The following THSD7A variants were observed in gnomAD, a reference collection of about 807,000 sequenced individuals.
THSD7A encodes the protein thrombospondin type 1 domain containing 7A.
Under a neutral mutation model 231.3 loss-of-function variants are expected in THSD7A, and 96 were observed. The ratio of observed to expected loss-of-function variants is 0.41; its 90% confidence interval spans 0.35 to 0.49. The LOEUF is 0.49. Ranked by LOEUF, THSD7A falls within the 20% of genes least tolerant of loss-of-function variation. The probability of loss-of-function intolerance (pLI) is 0.05; values close to 1 mark genes in which losing one functional copy is unlikely to be tolerated. For missense variants in THSD7A, 2,290 were observed against 2,070.2 expected, an observed-to-expected ratio of 1.11 and a Z score of -2.06; for synonymous variants, 940 against 743.3, an observed-to-expected ratio of 1.26 and a Z score of -4.30.
intron 4 of THSD7A, among the ~76,000 whole-genome samples, chr7:11,557,874 G>A (rs966172484): frequency 2.0e-5 from 3 of 152,106 alleles, no homozygotes; most frequent in South Asian, 4.1e-4. Context: ...AGTGTTGAGC[G>A]ACTCATTACA....
chr7:11,641,888 T>C (rs1235820023), intron 1 of THSD7A, among the ~76,000 whole-genome samples: 2 of 152,078 alleles, frequency 1.3e-5, no homozygotes, highest in African/African-American at 4.8e-5. Context: ...AAAGATCAGA[T>C]CTTCCCCACA....
At chr7:11,465,181 C>T (rs989266740) in intron 9 of THSD7A, among the ~76,000 whole-genome samples, 3 of 152,126 alleles carry the variant, frequency 2.0e-5, no homozygotes, top group African/African-American at 4.8e-5. Flanking sequence ...CGCACAAACA[C>T]ATTTATTTCA....
rs902597590 is a variant in THSD7A at position 11,701,181 on chromosome 7, T to C, written c.191-64220A>G. On this transcript the variant is annotated intron_variant, in intron 1 of 27. Coordinates refer to ENST00000423059, the MANE Select transcript of THSD7A (RefSeq NM_015204.3). ...TATTCAAACAAGTAAAAAACACAAGTGTGTGTGTGTGTGTTTTATGAGGGA... is the reference window on the plus strand; with the variant it reads ...TATTCAAACAAGTAAAAAACACAAGCGTGTGTGTGTGTGTTTTATGAGGGA... Among the ~76,000 whole-genome samples, 31 of 150,712 alleles carry C rather than the reference T, an allele frequency of 2.1e-4. 1 individual carries two copies. In the Middle Eastern group the frequency reaches 0.021, roughly 100 times the overall value.
At chr7:11,530,438 A>C (rs1241367953) in intron 6 of THSD7A, among the ~76,000 whole-genome samples, 1 of 152,210 alleles carries the variant, frequency 6.6e-6, no homozygotes, top group East Asian at 1.9e-4. Flanking sequence ...GTTATGGTTC[A>C]GAGATTTATT....
At position 11,636,419 on chromosome 7, in the gene THSD7A, G is replaced by A; in HGVS notation, c.733C>T (p.Pro245Ser). 4 of 1,613,672 alleles carry A rather than the reference G, an allele frequency of 2.5e-6. No homozygotes were observed. The Admixed American group carries it at 5.0e-5, about 20-fold the overall frequency. The part of the protein sequence containing the change: ...LTEFQVCQSS[P>S]CEAEELRYSL... ...TACCTGAGCTCCTCGGCCTCGCATG[G>A]ACTGGATTGGCACACCTGGAACTCC... Residue 245 changes from proline (P) to serine (S), a missense_variant, in exon 2 of 28, where the codon CCA becomes TCA. Pro to Ser is a moderately conservative substitution (Grantham distance 74). Coordinates refer to ENST00000423059, the MANE Select transcript of THSD7A (RefSeq NM_015204.3). This position sits in a 1 kb window ranked among gnomAD's most constrained non-coding sequence, Gnocchi z 10.0.
At chr7:11,467,134 C>T (rs569107059) in intron 9 of THSD7A, among the ~76,000 whole-genome samples, 1 of 152,058 alleles carries the variant, frequency 6.6e-6, no homozygotes. Flanking sequence ...GTGGGCTGGT[C>T]GTTCCAAAAT....
rs755374456 is a variant in THSD7A at position 11,831,842 on chromosome 7, GAGCAGCGGCAGCGGCAGC to G, written c.87_104del (p.Pro31_Leu36del). 2.1e-4 allele frequency: 286 copies of G among 1,350,100 alleles called. No homozygotes were observed. In the African/African-American group the frequency reaches 3.7e-3, roughly 18 times the overall value. 83.6% of individuals were successfully genotyped at this position (1,350,100 alleles called of 1,614,324 possible). ...CGCCCGGGCGTAGCAGCAGCAGCAGGAGCAGCGGCAGCGGCAGCGGCAGCGGCAGCAGCTGCAGGACGC... is the reference window on the plus strand; with the variant it reads ...CGCCCGGGCGTAGCAGCAGCAGCAGGGGCAGCGGCAGCAGCTGCAGGACGC... On this transcript the variant is annotated inframe_deletion, in exon 1 of 28. Transcript: ENST00000423059. The surrounding 1 kb of genome is among the most constrained non-coding windows in gnomAD (Gnocchi z 5.0).
chr7:11,445,309 T>A (rs538603741), intron 13 of THSD7A, among the ~76,000 whole-genome samples: 1 of 152,178 alleles, frequency 6.6e-6, no homozygotes, highest in South Asian at 2.1e-4. Context: ...AAGACAGATG[T>A]ATTAAAATAA....
chr7:11,690,807 T>A (rs946367602), intron 1 of THSD7A, among the ~76,000 whole-genome samples: 3 of 151,742 alleles, frequency 2.0e-5, no homozygotes, highest in Non-Finnish European at 4.4e-5. Context: ...TATGATTGTG[T>A]TCAAGTGGTA....
intron 1 of THSD7A, among the ~76,000 whole-genome samples, chr7:11,796,850 T>C (rs1471213518): frequency 3.3e-5 from 5 of 152,120 alleles, no homozygotes; most frequent in Non-Finnish European, 7.4e-5. Flanking sequence ...CTATCCTATG[T>C]TAGGTCTTGT....
rs565862751 is a variant in THSD7A at position 11,473,539 on chromosome 7, G to C, written c.2252+795C>G. ...ATATCTTACATGGCTAAGGTGATTT[G>C]AATTTTTAAAAAGTATGTTAAGTTT... On this transcript the variant is annotated intron_variant, in intron 8 of 27. Coordinates refer to ENST00000423059, the MANE Select transcript of THSD7A (RefSeq NM_015204.3). Among the ~76,000 whole-genome samples, 9 of 152,142 alleles carry C rather than the reference G, an allele frequency of 5.9e-5. No homozygotes were observed. The East Asian group carries it at 1.7e-3, about 29-fold the overall frequency.
Position 11,637,825 on chromosome 7 carries a change from A to T in THSD7A, c.191-864T>A, listed in dbSNP as rs2526101. ...CCTTCTTAGAATAAACTTTATATTC[A>T]CATATATTATTTTTTTCTAAGGTAG... On this transcript the variant is annotated intron_variant, in intron 1 of 27. Transcript: ENST00000423059. The surrounding 1 kb of genome is among the most constrained non-coding windows in gnomAD (Gnocchi z 4.2). Among the ~76,000 whole-genome samples the T allele has an allele frequency of 6.6e-6, 1 of 151,904 alleles. No homozygotes were observed. The highest frequency in any genetic ancestry group is 2.1e-4 in the South Asian group (1 of 4,818).
intron 6 of THSD7A, among the ~76,000 whole-genome samples, chr7:11,506,269 G>A (rs779451252): frequency 1.3e-5 from 2 of 152,160 alleles, no homozygotes; most frequent in African/African-American, 4.8e-5. Flanking sequence ...GGGATTTCAG[G>A]AGTGAGCCGC....
intron 2 of THSD7A, among the ~76,000 whole-genome samples, chr7:11,602,093 C>T (rs1490542073): frequency 6.6e-6 from 1 of 152,128 alleles, no homozygotes; most frequent in Non-Finnish European, 1.5e-5. Flanking sequence ...AGGATTTGTA[C>T]TATCTATGCA....
intron 1 of THSD7A, among the ~76,000 whole-genome samples, chr7:11,746,637 T>C (rs1229632798): frequency 6.6e-6 from 1 of 151,866 alleles, no homozygotes; most frequent in Non-Finnish European, 1.5e-5. Flanking sequence ...GATGGAGTGG[T>C]CTTCTCATCA....
At chr7:11,523,729 A>T (rs981027394) in intron 6 of THSD7A, among the ~76,000 whole-genome samples, 3 of 152,152 alleles carry the variant, frequency 2.0e-5, no homozygotes, top group Non-Finnish European at 2.9e-5. Flanking sequence ...GATTAAAAAA[A>T]CCAGAATATA....
chr7:11,807,452 C>A (rs1784427601), intron 1 of THSD7A, among the ~76,000 whole-genome samples: 1 of 151,896 alleles, frequency 6.6e-6, no homozygotes, highest in South Asian at 2.1e-4. Flanking sequence ...TCAAGTAAAA[C>A]CCTGCTTTCT....
At chr7:11,558,704 GA>G in intron 4 of THSD7A, among the ~76,000 whole-genome samples, 1 of 152,240 alleles carries the variant, frequency 6.6e-6, no homozygotes, top group South Asian at 2.1e-4. Context: ...AGTGGTCAGA[GA>G]AAATATCAAA....
chr7:11,781,532 T>A (rs1783632336), intron 1 of THSD7A, among the ~76,000 whole-genome samples: 2 of 152,110 alleles, frequency 1.3e-5, no homozygotes, highest in Admixed American at 1.3e-4. Context: ...GATGTAAAAA[T>A]CCTATTTAAT....
Sources: allele counts gnomAD v4.1 joint callset (sites outside exome capture counted in the v4.1 genomes callset), GRCh38; gene constraint gnomAD v4.1.1; non-coding constraint Gnocchi (gnomAD v3.1); transcripts MANE v1.5; gene names NCBI Gene and HGNC (gene_info 2026-07-23, HGNC 2026-07-21).